The following ZFX variants were observed in gnomAD, a reference collection of about 807,000 sequenced individuals.
ZFX encodes zinc finger protein X-linked.
For synonymous variants in ZFX, 196 were observed against 226.8 expected (o/e 0.86, Z 1.22); for missense variants, 362 against 628.3 (o/e 0.58, Z 4.53).
At chrX:24,199,646 G>A (rs1464073370) in intron 5 of ZFX, among the ~76,000 whole-genome samples, 1 of 111,326 alleles carries the variant, frequency 9.0e-6, no homozygotes, top group Non-Finnish European at 1.9e-5. Flanking sequence ...AGCCGGGCAC[G>A]GTGGCTCATG....
chrX:24,164,934 C>A (rs1472154170), intron 3 of ZFX, among the ~76,000 whole-genome samples: 2 of 104,618 alleles, frequency 1.9e-5, no homozygotes, highest in East Asian at 2.9e-4. Context: ...GAGTGAAACT[C>A]CGTCTGAAAA....
chrX:24,207,647 A>C, intron 6 of ZFX, 65 bp from the exon 7 acceptor site: 1 of 1,161,352 alleles, frequency 8.6e-7, no homozygotes. Flanking sequence ...ATTATGTAAA[A>C]AGAAATAGGT....
At chrX:24,198,472 C>T (rs1006511062) in intron 5 of ZFX, among the ~76,000 whole-genome samples, 8 of 95,192 alleles carry the variant, frequency 8.4e-5, no homozygotes, top group African/African-American at 3.3e-4. Context: ...TGAGCCACTG[C>T]ACCTGGCTTT....
At chrX:24,165,444 CAT>C (rs763314909) in intron 3 of ZFX, among the ~76,000 whole-genome samples, 13 of 112,548 alleles carry the variant, frequency 1.2e-4, no homozygotes, top group Non-Finnish European at 2.1e-4. Flanking sequence ...TACAAGGAGA[CAT>C]ATTGCTCATT....
At chrX:24,168,558 CCTT>C (rs1934228153) in intron 3 of ZFX, among the ~76,000 whole-genome samples, 1 of 110,235 alleles carries the variant, frequency 9.1e-6, no homozygotes, top group African/African-American at 3.3e-5. Flanking sequence ...TTTATAATTA[CCTT>C]CTTCTAGGAT....
intron 5 of ZFX, among the ~76,000 whole-genome samples, chrX:24,201,980 G>A (rs1937327788): frequency 9.0e-6 from 1 of 111,460 alleles, no homozygotes; most frequent in African/African-American, 3.3e-5. Flanking sequence ...AACCCAGTCT[G>A]TTGTTTTCTC....
chrX:24,150,381 G>T, intron 1 of ZFX: 1 of 113,517 alleles, frequency 8.8e-6, no homozygotes, highest in South Asian at 3.0e-4. Context: ...GGCCCGGCGC[G>T]GCGGCGTGTG....
chrX:24,179,871 G>A, intron 5 of ZFX, 101 bp downstream of exon 5: 2 of 770,529 alleles, frequency 2.6e-6, no homozygotes, highest in Non-Finnish European at 3.7e-6. Flanking sequence ...GTCTGTAAAA[G>A]TAAATCTCAT....
chrX:24,196,230 A>T (rs1379963700), intron 5 of ZFX, among the ~76,000 whole-genome samples: 1 of 111,028 alleles, frequency 9.0e-6, no homozygotes, highest in Non-Finnish European at 1.9e-5. Context: ...CTCCTGCCTC[A>T]GTCTCCCGAG....
chrX:24,184,064 A>G (rs772036396), intron 5 of ZFX, among the ~76,000 whole-genome samples: 1 of 112,109 alleles, frequency 8.9e-6, no homozygotes, highest in South Asian at 3.7e-4. Flanking sequence ...CCTGGCTGAA[A>G]CACAGATAAA....
At chrX:24,167,097 T>G (rs914858007) in intron 3 of ZFX, among the ~76,000 whole-genome samples, 1 of 112,031 alleles carries the variant, frequency 8.9e-6, no homozygotes, top group Admixed American at 9.6e-5. Context: ...CTCTCTGAAT[T>G]GCTTGTTTGT....
chrX:24,180,461 A>G (rs1375516497), intron 5 of ZFX, among the ~76,000 whole-genome samples: 1 of 108,075 alleles, frequency 9.3e-6, no homozygotes, highest in Admixed American at 1.0e-4. Context: ...AGCTCACTGT[A>G]AACTCTGCCT....
intron 1 of ZFX, chrX:24,150,012 G>A (rs1931791413): frequency 1.9e-5 from 2 of 107,768 alleles, no homozygotes. Context: ...GCGGGGGTTG[G>A]GGGAGGGTCG....
intron 5 of ZFX, among the ~76,000 whole-genome samples, chrX:24,192,893 C>CA (rs759166413): frequency 0.08 from 3,847 of 48,347 alleles, 209 homozygotes; most frequent in African/African-American, 0.21. Flanking sequence ...GACCCTGTCT[C>CA]AAAAAAAAAA....
intron 3 of ZFX, among the ~76,000 whole-genome samples, chrX:24,162,386 T>A (rs2520329): frequency 9.0e-6 from 1 of 111,088 alleles, no homozygotes; most frequent in Non-Finnish European, 1.9e-5. Context: ...GTTTTTCAGT[T>A]GATTCTCTTG....
At chrX:24,162,119 T>C (rs767329674) in intron 3 of ZFX, among the ~76,000 whole-genome samples, 4 of 110,709 alleles carry the variant, frequency 3.6e-5, no homozygotes, top group Non-Finnish European at 7.6e-5. Flanking sequence ...TCCCAGCTAC[T>C]TGGAAGGCTG....
chrX:24,210,638 G>T lies in ZFX; in HGVS notation c.1680G>T (p.Pro560=), dbSNP rs752927326. Residue 560 remains proline (P), a synonymous_variant, in exon 10 of 10, where the codon CCG becomes CCT. Coordinates refer to ENST00000304543, the MANE Select transcript of ZFX (RefSeq NM_003410.4). ...CVECGKGFRH[P]SELKKHMRIH... ...AGTGTGGTAAGGGTTTTCGTCACCC[G>T]TCAGAGCTCAAAAAGCACATGAGAA... The T allele has an allele frequency of 3.3e-6, 4 of 1,209,716 alleles. No individual in the cohort carries two copies. The highest frequency in any genetic ancestry group is 4.5e-6 in the Non-Finnish European group (4 of 895,272).
chrX:24,212,816 T>TTAAG lies in ZFX; in HGVS notation c.*1442_*1445dup, dbSNP rs1938188839. On this transcript the variant is annotated 3_prime_UTR_variant, in exon 10 of 10. Transcript: ENST00000304543. Reference sequence around the variant, plus strand: ...TTTGATTAAAAGGTAAAGATGTGTTTTAAGTGGATAAGGAAAGTCTGAGGC... The same window carrying TTAAG: ...TTTGATTAAAAGGTAAAGATGTGTTTTAAGTAAGTGGATAAGGAAAGTCTGAGGC... The TTAAG allele has an allele frequency of 8.9e-6, 1 of 112,831 alleles. No homozygotes were observed. The highest frequency in any genetic ancestry group is 1.9e-5 in the Non-Finnish European group (1 of 53,294). 9.3% of individuals were successfully genotyped at this position (112,831 alleles called of 1,213,427 possible). A position where few individuals can be genotyped will look rare whatever the true frequency, so the allele number is the denominator to read the frequency against.
At chrX:24,151,913 A>G (rs1319678147) in intron 2 of ZFX, 113 bp downstream of exon 2, 1 of 111,849 alleles carries the variant, frequency 8.9e-6, no homozygotes, top group East Asian at 2.8e-4. Flanking sequence ...TTCAGAAGTT[A>G]AGCAAATTTT....
Sources: gnomAD v4.1 joint callset for allele counts (sites outside exome capture counted in the v4.1 genomes callset) on GRCh38, gnomAD v4.1.1 for gene constraint, MANE v1.5 for transcripts, NCBI Gene and HGNC (gene_info 2026-07-23, HGNC 2026-07-21) for gene names.